Variants in PHLDB2 observed in about 807,000 individuals in gnomAD.
PHLDB2 encodes the protein pleckstrin homology like domain family B member 2, also known as pleckstrin homology-like domain family B member 2.
Under a neutral mutation model 123.6 loss-of-function variants are expected in PHLDB2, and 71 were observed. The ratio of observed to expected loss-of-function variants is 0.57; its 90% confidence interval spans 0.47 to 0.70. PHLDB2 has a LOEUF of 0.70. Among genes scored for constraint, PHLDB2 ranks in the 30% least tolerant of loss-of-function variants. PHLDB2 has a pLI of 0.00. For synonymous variants in PHLDB2, 547 were observed against 541.6 expected (o/e 1.01, Z -0.14); for missense variants, 1,446 against 1,519.5 (o/e 0.95, Z 0.80).
At chr3:111,814,941 A>G (rs1363843641) in intron 1 of PHLDB2, among the ~76,000 whole-genome samples, 1 of 152,216 alleles carries the variant, frequency 6.6e-6, no homozygotes, top group Non-Finnish European at 1.5e-5. Flanking sequence ...GTAGTGTGGG[A>G]GGAACCTGGT....
At chr3:111,953,022 CTG>C (rs2070808063) in intron 11 of PHLDB2, among the ~76,000 whole-genome samples, 1 of 152,178 alleles carries the variant, frequency 6.6e-6, no homozygotes, top group Non-Finnish European at 1.5e-5. Flanking sequence ...GATGTAGCCT[CTG>C]TGTTCCAGGA....
intron 1 of PHLDB2, among the ~76,000 whole-genome samples, chr3:111,741,328 T>G (rs1179309749): frequency 6.6e-6 from 1 of 152,178 alleles, no homozygotes; most frequent in African/African-American, 2.4e-5. Flanking sequence ...GCTTATCCAG[T>G]AGAGGCTTTC....
intron 1 of PHLDB2, among the ~76,000 whole-genome samples, chr3:111,863,877 A>G (rs1025201056): frequency 6.6e-6 from 1 of 152,218 alleles, no homozygotes; most frequent in Middle Eastern, 3.2e-3. Flanking sequence ...TTAATTACAA[A>G]CATGTATACT....
intron 1 of PHLDB2, among the ~76,000 whole-genome samples, chr3:111,812,019 C>G (rs1297020067): frequency 2.0e-5 from 3 of 152,176 alleles, no homozygotes; most frequent in Non-Finnish European, 4.4e-5. Flanking sequence ...TCTCTTTCTT[C>G]TGGCCCTGCT....
At chr3:111,761,972 G>A (rs1412357644) in intron 1 of PHLDB2, among the ~76,000 whole-genome samples, 1 of 152,112 alleles carries the variant, frequency 6.6e-6, no homozygotes, top group Admixed American at 6.5e-5. Context: ...GTGCTTGTAT[G>A]TTCACCTAAA....
rs759111559 is a variant in PHLDB2, at chr3:111,974,504, C to A, written c.3703C>A (p.Arg1235=). 5.0e-6 allele frequency: 8 copies of A among 1,613,306 alleles called. No homozygotes were observed. The East Asian group carries it at 1.6e-4, about 31-fold the overall frequency. ...YMVAPSPEAM[R]IWMDVIVTGA... is the part of the protein sequence containing the mutation. The stretch of plus-strand genomic sequence containing the variant: ...GGTAGCCCCATCGCCAGAAGCCATG[C>A]GGATCTGGATGGATGTTATAGTTAC... The change falls in exon 18 of 18, where the codon CGG becomes AGG. Residue 1235 remains arginine, a synonymous_variant. Coordinates refer to ENST00000431670, the MANE Select transcript of PHLDB2 (RefSeq NM_001134438.2).
chr3:111,939,933 T>C (rs1553223), intron 7 of PHLDB2, among the ~76,000 whole-genome samples: 73,619 of 152,058 alleles, frequency 0.48, 18,755 homozygotes, highest in Non-Finnish European at 0.57. Flanking sequence ...GGGTTCAGAA[T>C]AATTCTATGA....
intron 6 of PHLDB2, among the ~76,000 whole-genome samples, 169 bp downstream of exon 6, chr3:111,932,566 T>C (rs1328307105): frequency 6.6e-6 from 1 of 152,242 alleles, no homozygotes; most frequent in African/African-American, 2.4e-5. Context: ...TATTATTCCA[T>C]GCTAATCAGT....
chr3:111,890,640 T>C (rs1201208268), intron 2 of PHLDB2, among the ~76,000 whole-genome samples: 6 of 152,238 alleles, frequency 3.9e-5, no homozygotes, highest in Non-Finnish European at 5.9e-5. Context: ...TCTGCTGTGA[T>C]TCTACTAGTG....
intron 1 of PHLDB2, among the ~76,000 whole-genome samples, chr3:111,756,900 A>C (rs1411542866): frequency 6.6e-6 from 1 of 151,862 alleles, no homozygotes; most frequent in Non-Finnish European, 1.5e-5. Flanking sequence ...TTTCTCCTTC[A>C]CTTATGAAGC....
chr3:111,854,504 T>C (rs373031793), upstream of PHLDB2, among the ~76,000 whole-genome samples: 17 of 152,306 alleles, frequency 1.1e-4, no homozygotes, highest in South Asian at 4.1e-4. Flanking sequence ...TGCAGTAAGA[T>C]TGAAATGAGT....
At chr3:111,916,288 G>A (rs2068172875) in intron 3 of PHLDB2, 1 of 152,206 alleles carries the variant, frequency 6.6e-6, no homozygotes, top group African/African-American at 2.4e-5. Flanking sequence ...CAGCAGTGTA[G>A]AAAGAGTACA....
intron 2 of PHLDB2, among the ~76,000 whole-genome samples, chr3:111,892,191 T>C (rs2066543008): frequency 6.6e-6 from 1 of 152,254 alleles, no homozygotes; most frequent in South Asian, 2.1e-4. Context: ...ACATATGGAT[T>C]CCTTGAAAAT....
intron 11 of PHLDB2, chr3:111,953,726 G>A (rs2070854467): frequency 2.2e-6 from 1 of 460,636 alleles, no homozygotes; most frequent in African/African-American, 2.0e-5. Context: ...TGGAGGAAGT[G>A]CTTTGATATT....
At chr3:111,938,525 G>A (rs778910739) in intron 6 of PHLDB2, among the ~76,000 whole-genome samples, 1 of 152,068 alleles carries the variant, frequency 6.6e-6, no homozygotes, top group South Asian at 2.1e-4. Flanking sequence ...TTAAAATCGT[G>A]TATACATACT....
At chr3:111,799,867 A>G (rs2061316082) in intron 1 of PHLDB2, among the ~76,000 whole-genome samples, 1 of 152,228 alleles carries the variant, frequency 6.6e-6, no homozygotes, top group Admixed American at 6.5e-5. Context: ...TATAGATACC[A>G]ATATGGGAGG....
intron 1 of PHLDB2, among the ~76,000 whole-genome samples, chr3:111,825,851 G>C (rs2062629321): frequency 6.6e-6 from 1 of 152,054 alleles, no homozygotes; most frequent in African/African-American, 2.4e-5. Context: ...CTTTATAAGA[G>C]AGCTAGAAAA....
chr3:111,792,628 GC>G (rs1416312981), intron 1 of PHLDB2, among the ~76,000 whole-genome samples: 1 of 152,038 alleles, frequency 6.6e-6, no homozygotes, highest in Non-Finnish European at 1.5e-5. Flanking sequence ...GATCATTTGA[GC>G]CCAGGAATTT....
intron 1 of PHLDB2, among the ~76,000 whole-genome samples, chr3:111,867,677 A>C (rs1398212006): frequency 1.3e-5 from 2 of 151,946 alleles, no homozygotes; most frequent in Non-Finnish European, 2.9e-5. Context: ...AAATTCTCTG[A>C]TTGTCTCATA....
Sources: allele counts gnomAD v4.1 joint callset (sites outside exome capture counted in the v4.1 genomes callset), GRCh38; gene constraint gnomAD v4.1.1; transcripts MANE v1.5; gene names NCBI Gene and HGNC (gene_info 2026-07-23, HGNC 2026-07-21).